The following CEP152 variants were observed in gnomAD, a reference collection of about 807,000 sequenced individuals.
CEP152 encodes centrosomal protein 152, also known as centrosomal protein of 152 kDa.
In CEP152, 132 loss-of-function variants were observed where a neutral mutation model predicts 188.9. The ratio of observed to expected loss-of-function variants is 0.70; its 90% CI spans 0.61 to 0.81. The LOEUF (loss-of-function observed/expected upper bound fraction) is 0.81, where lower values mean the gene tolerates loss of function less well. Ranked by LOEUF, CEP152 falls within the 30% of genes least tolerant of loss-of-function variation. The pLI is 0.00. For missense variants in CEP152, 1,914 were observed against 1,969.8 expected, an observed-to-expected ratio of 0.97 and a Z score of 0.54; for synonymous variants, 649 against 666.6, an observed-to-expected ratio of 0.97 and a Z score of 0.41.
chr15:48,778,156 T>A (rs192110959), intron 12 of CEP152, among the ~76,000 whole-genome samples: 8 of 152,218 alleles, frequency 5.3e-5, no homozygotes, highest in Non-Finnish European at 1.2e-4. Flanking sequence ...TCAAATTCCA[T>A]GAATGTAAAA....
chr15:48,759,457 T>C lies in CEP152; in HGVS notation c.2694+678A>G, dbSNP rs562395125. On this transcript the variant is annotated intron_variant, in intron 19 of 26. Transcript: ENST00000380950. ...TAGTAGGGCCTACCTCTGAAACCTG[T>C]ATTGCACTGAATTAAAATGAATTCT... Among the ~76,000 whole-genome samples, 200 of 152,328 alleles carry C rather than the reference T, an allele frequency of 1.3e-3. 1 individual carries two copies. The highest frequency in any genetic ancestry group is 2.6e-3 in the Non-Finnish European group (178 of 68,016).
chr15:48,763,175 A>T (rs1894819112), intron 17 of CEP152, among the ~76,000 whole-genome samples: 1 of 152,222 alleles, frequency 6.6e-6, no homozygotes, highest in Non-Finnish European at 1.5e-5. Flanking sequence ...TTCAAAAGGG[A>T]GGCAGTATTA....
At chr15:48,809,914 G>C (rs1038117092) in intron 1 of CEP152, among the ~76,000 whole-genome samples, 1 of 152,164 alleles carries the variant, frequency 6.6e-6, no homozygotes, top group Non-Finnish European at 1.5e-5. Context: ...ACCTCCTATG[G>C]AACAAAAATG....
At chr15:48,808,253 C>A (rs1898115031) in intron 1 of CEP152, among the ~76,000 whole-genome samples, 1 of 149,798 alleles carries the variant, frequency 6.7e-6, no homozygotes, top group Non-Finnish European at 1.5e-5. Context: ...ACAAAAGAGA[C>A]TTCTTTAAAA....
intron 24 of CEP152, among the ~76,000 whole-genome samples, chr15:48,743,465 A>G (rs1299491730): frequency 6.6e-6 from 1 of 152,212 alleles, no homozygotes; most frequent in African/African-American, 2.4e-5. Flanking sequence ...ATGCTGGCAC[A>G]ACCTGGTACT....
chr15:48,738,340 G>A lies in CEP152; in HGVS notation c.5042C>T (p.Ser1681Leu). Residue 1681 changes from serine to leucine, a missense_variant, in exon 27 of 27, where the codon TCA (serine) becomes TTA (leucine). Coordinates refer to ENST00000380950, the MANE Select transcript of CEP152 (RefSeq NM_001194998.2). ...TTTTCTTGAAGGCTGCTGACACACTGAAGATGGTAATGTACTGCTCAGTTT... is the reference window on the plus strand; with the variant it reads ...TTTTCTTGAAGGCTGCTGACACACTAAAGATGGTAATGTACTGCTCAGTTT... ...FKKLSSTLPS[S>L]VCQQPSRKLI... 6.2e-7 allele frequency: 1 copy of A among 1,614,152 alleles called. No homozygotes were observed. Among genetic ancestry groups the A allele is most frequent in the African/African-American group, 1.3e-5 (1 of 75,050 alleles).
intron 17 of CEP152, among the ~76,000 whole-genome samples, chr15:48,765,904 G>A (rs1315377203): frequency 6.6e-6 from 1 of 151,712 alleles, no homozygotes; most frequent in Non-Finnish European, 1.5e-5. Flanking sequence ...CGCCCGTCTC[G>A]GCCTCCCAAA....
chr15:48,766,686 C>T (rs757346138), intron 17 of CEP152, among the ~76,000 whole-genome samples: 3 of 151,932 alleles, frequency 2.0e-5, no homozygotes, highest in South Asian at 2.1e-4. Context: ...GGGCTCTGAA[C>T]GAATGCTCCG....
At chr15:48,732,034 T>C (rs1300028174) in intron 2 of CEP152, among the ~76,000 whole-genome samples, 3 of 152,052 alleles carry the variant, frequency 2.0e-5, no homozygotes, top group Admixed American at 6.6e-5. Flanking sequence ...CAGGAAACAA[T>C]AGTTGCTGGC....
chr15:48,752,956 T>C (rs1171772449), intron 20 of CEP152, among the ~76,000 whole-genome samples: 4 of 152,208 alleles, frequency 2.6e-5, no homozygotes, highest in Admixed American at 2.6e-4. Context: ...TGCTTCTAAA[T>C]ACTTTAACAT....
intron 1 of CEP152, among the ~76,000 whole-genome samples, chr15:48,807,802 G>C (rs1309474108): frequency 1.3e-5 from 2 of 152,022 alleles, no homozygotes; most frequent in Non-Finnish European, 2.9e-5. Context: ...TATTGAAAAA[G>C]AACATTAAGA....
intron 9 of CEP152, among the ~76,000 whole-genome samples, chr15:48,787,142 C>T (rs908770497): frequency 8.9e-5 from 12 of 134,702 alleles, no homozygotes; most frequent in Admixed American, 8.7e-4. Context: ...GTAGACTTTT[C>T]AATAATTTGG....
At chr15:48,777,136 G>A (rs1488609477) in intron 12 of CEP152, among the ~76,000 whole-genome samples, 1 of 151,976 alleles carries the variant, frequency 6.6e-6, no homozygotes, top group African/African-American at 2.4e-5. Flanking sequence ...ATGTAATGGG[G>A]TAGCCTGGTT....
At chr15:48,771,810 T>C (rs1441263347) in intron 13 of CEP152, among the ~76,000 whole-genome samples, 2 of 152,218 alleles carry the variant, frequency 1.3e-5, no homozygotes, top group Non-Finnish European at 2.9e-5. Flanking sequence ...AGAACACTTA[T>C]AATAGCCAAC....
intron 2 of CEP152, among the ~76,000 whole-genome samples, chr15:48,731,761 G>A (rs943338105): frequency 2.0e-5 from 3 of 152,118 alleles, no homozygotes; most frequent in Admixed American, 2.0e-4. Context: ...CCTACAGAAT[G>A]GGAGAAAACT....
chr15:48,788,701 A>C, intron 9 of CEP152, 100 bp downstream of exon 9: 1 of 1,156,390 alleles, frequency 8.6e-7, no homozygotes, highest in South Asian at 1.2e-5. Context: ...ATTTACTACA[A>C]ACATCCAAGA....
In CEP152 at chr15:48,791,308, C is replaced by A; in HGVS notation, c.901G>T (p.Glu301Ter). 1 of 1,613,048 alleles carries A rather than the reference C, an allele frequency of 6.2e-7. No individual in the cohort carries two copies. Residue 301 changes from glutamate (E) to a stop codon, truncating the protein, a stop_gained, in exon 8 of 27, where the codon GAG becomes TAG. Coordinates refer to ENST00000380950, the MANE Select transcript of CEP152 (RefSeq NM_001194998.2). LOFTEE classifies it high-confidence loss of function. ...TTTATTTGAGCTTCAAGCTGTATCT[C>A]TCTTTCTTTTCCATTCTGAAAGAGT... ...QKLFQNGKEREIQLEAQIKAL... is the reference protein window; with the variant it reads ...QKLFQNGKER
chr15:48,801,181 T>A (rs187971877), intron 2 of CEP152, among the ~76,000 whole-genome samples: 1 of 152,314 alleles, frequency 6.6e-6, no homozygotes, highest in Admixed American at 6.5e-5. Context: ...GATTCTGATA[T>A]TTTCAAATAT....
chr15:48,741,595 A>G lies in CEP152; in HGVS notation c.4093+6T>C. 6.2e-7 allele frequency: 1 copy of G among 1,614,144 alleles called. No homozygotes were observed. The highest frequency in any genetic ancestry group is 8.5e-7 in the Non-Finnish European group (1 of 1,180,010). ...AAAAACCATTTGGCGACTCACTTTG[A>G]CATACCTGACTGTGTAGTTTTGCTT... On this transcript the variant is annotated splice_donor_region_variant and intron_variant, in intron 26 of 26. Coordinates refer to ENST00000380950, the MANE Select transcript of CEP152 (RefSeq NM_001194998.2).
Sources: allele counts gnomAD v4.1 joint callset (sites outside exome capture counted in the v4.1 genomes callset), GRCh38; gene constraint gnomAD v4.1.1; transcripts MANE v1.5; gene names NCBI Gene and HGNC (gene_info 2026-07-23, HGNC 2026-07-21).